PELO: variants seen among roughly 807,000 people sequenced by gnomAD.
The protein encoded by PELO is pelota mRNA surveillance and ribosome rescue factor.
PELO carries 19 observed loss-of-function variants against 25.9 expected under a neutral mutation model. The ratio of observed to expected loss-of-function variants is 0.73; its 90% CI spans 0.51 to 1.08. The LOEUF is 1.08. Ranked by LOEUF, PELO falls within the 50% of genes least tolerant of loss-of-function variation. The pLI is 0.00. For missense variants in PELO, 498 were observed against 491.4 expected, an observed-to-expected ratio of 1.01 and a Z score of -0.13; for synonymous variants, 196 against 192.2, an observed-to-expected ratio of 1.02 and a Z score of -0.16.
intron 1 of PELO, among the ~76,000 whole-genome samples, chr5:52,794,676 C>CA (rs1002732297): frequency 4.7e-5 from 7 of 150,298 alleles, no homozygotes; most frequent in South Asian, 2.1e-4. Context: ...ATAAAACAAA[C>CA]AAAAAAAACC....
chr5:52,789,285 C>G (rs866118659), intron 1 of PELO, among the ~76,000 whole-genome samples: 5 of 152,156 alleles, frequency 3.3e-5, no homozygotes, highest in Middle Eastern at 3.4e-3. Context: ...GATAGAATCT[C>G]TGTGTGAAAG....
Position 52,788,266 on chromosome 5 carries a change from T to A in PELO, c.-659T>A. The A allele has an allele frequency of 9.5e-7, 1 of 1,047,404 alleles. No homozygotes were observed. The highest frequency in any genetic ancestry group is 1.3e-6 in the Non-Finnish European group (1 of 772,790). The allele number at this position is 1,047,404 out of a possible 1,614,324, so 64.9% of individuals were successfully genotyped here. On this transcript the variant is annotated 5_prime_UTR_variant, in exon 1 of 3. Transcript: ENST00000274311. The stretch of plus-strand genomic sequence containing the variant: ...AGGACTGGGAACCGCGGCAGCGGGA[T>A]AAGTGGCCCAGCCAGAGAGCGCAGC...
intron 2 of PELO, 36 bp from the exon 3 acceptor site, chr5:52,801,373 G>C: frequency 6.5e-7 from 1 of 1,546,724 alleles, no homozygotes; most frequent in Non-Finnish European, 8.9e-7. Flanking sequence ...TGTTCTAGGA[G>C]ATTATTTTGC....
intron 1 of PELO, among the ~76,000 whole-genome samples, chr5:52,795,745 G>C (rs1372365053): frequency 6.6e-6 from 1 of 151,874 alleles, no homozygotes. Context: ...CATTTTTAGA[G>C]CTCTATAATT....
In PELO at chr5:52,801,007, A is replaced by C. The variant is rs1353210668; in HGVS notation, c.613A>C (p.Ile205Leu). Reference sequence around the variant, plus strand: ...CATACACTTTGATGTTGTAAAGTGCATCCTGGTGGCCAGCCCAGGATTTGT... The same window carrying C: ...CATACACTTTGATGTTGTAAAGTGCCTCCTGGTGGCCAGCCCAGGATTTGT... ...RHIHFDVVKC[I>L]LVASPGFVRE... The change falls in exon 2 of 3, where the codon ATC becomes CTC. Residue 205 changes from isoleucine to leucine, a missense_variant. By Grantham distance (5) the Ile-to-Leu change is conservative. Coordinates refer to ENST00000274311, the MANE Select transcript of PELO (RefSeq NM_015946.5). 5 of 1,614,232 alleles carry C rather than the reference A, an allele frequency of 3.1e-6. No homozygotes were observed. Among genetic ancestry groups the C allele is most frequent in the Non-Finnish European group, 4.2e-6 (5 of 1,180,038 alleles).
chr5:52,801,483 A>G lies in PELO; in HGVS notation c.801A>G (p.Ser267=). The G allele has an allele frequency of 6.2e-7, 1 of 1,614,148 alleles. No homozygotes were observed. The highest frequency in any genetic ancestry group is 8.5e-7 in the Non-Finnish European group (1 of 1,179,962). The change falls in exon 3 of 3, where the codon TCA becomes TCG. Residue 267 remains serine, a synonymous_variant. Coordinates refer to ENST00000274311, the MANE Select transcript of PELO (RefSeq NM_015946.5). ...ACCCTACTGTGGCTAGCCGCCTTTC[A>G]GACACTAAAGCTGCTGGGGAAGTCA... ...LCDPTVASRL[S]DTKAAGEVKA...
chr5:52,794,966 T>C (rs777465276), intron 1 of PELO, among the ~76,000 whole-genome samples: 1 of 151,984 alleles, frequency 6.6e-6, no homozygotes, highest in Non-Finnish European at 1.5e-5. Flanking sequence ...GTATTTTAAA[T>C]TACCATTTTC....
intron 1 of PELO, among the ~76,000 whole-genome samples, chr5:52,792,498 C>T (rs1192403459): frequency 6.6e-6 from 1 of 152,098 alleles, no homozygotes; most frequent in Non-Finnish European, 1.5e-5. Context: ...TTTCTCTTCC[C>T]TCCTGTCATA....
At position 52,800,326 on chromosome 5, in the gene PELO, C is replaced by G; in HGVS notation, c.-69C>G. On this transcript the variant is annotated 5_prime_UTR_variant, in exon 2 of 3. Coordinates refer to ENST00000274311, the MANE Select transcript of PELO (RefSeq NM_015946.5). ...CCCTTCCTGGCCTGCATTCCCATCC[C>G]CTCTCCCGGGGCGGAGGTGAGGACC... 6.3e-7 allele frequency: 1 copy of G among 1,576,346 alleles called. No homozygotes were observed. Among genetic ancestry groups the G allele is most frequent in the Non-Finnish European group, 8.7e-7 (1 of 1,153,662 alleles).
intron 1 of PELO, among the ~76,000 whole-genome samples, chr5:52,797,785 C>T (rs1233983232): frequency 6.6e-6 from 1 of 152,142 alleles, no homozygotes; most frequent in Non-Finnish European, 1.5e-5. Context: ...TGATTTTCTT[C>T]TATAAAATTA....
At chr5:52,799,844 A>G (rs150812816) in intron 1 of PELO, 41 bp from the exon 2 acceptor site, 77 of 156,764 alleles carry the variant, frequency 4.9e-4, no homozygotes, top group African/African-American at 1.8e-3. Context: ...AGGCAGGTAA[A>G]ACTAGTATTT....
In PELO at chr5:52,801,519, T is replaced by A. The variant is rs1157219126; in HGVS notation, c.837T>A (p.Asp279Glu). 1 of 1,614,112 alleles carries A rather than the reference T, an allele frequency of 6.2e-7. No homozygotes were observed. The highest frequency in any genetic ancestry group is 8.5e-7 in the Non-Finnish European group (1 of 1,180,014). Residue 279 changes from aspartate to glutamate, a missense_variant, in exon 3 of 3, where the codon GAT (aspartate) becomes GAA (glutamate). Coordinates refer to ENST00000274311, the MANE Select transcript of PELO (RefSeq NM_015946.5). ...TKAAGEVKAL[D>E]DFYKMLQHEP... The stretch of plus-strand genomic sequence containing the variant: ...CTGCTGGGGAAGTCAAAGCCTTGGA[T>A]GACTTCTATAAAATGTTACAGCATG...
At position 52,788,334 on chromosome 5, in the gene PELO, G is replaced by A. The variant is rs1042476982; in HGVS notation, c.-591G>A. 6 of 1,496,044 alleles carry A rather than the reference G, an allele frequency of 4.0e-6. No individual in the cohort carries two copies. In the African/African-American group the frequency reaches 5.8e-5, roughly 15 times the overall value. 92.7% of individuals were successfully genotyped at this position (1,496,044 alleles called of 1,614,324 possible). A position where few individuals can be genotyped will look rare whatever the true frequency, so the allele number is the denominator to read the frequency against. On this transcript the variant is annotated 5_prime_UTR_variant, in exon 1 of 3. Transcript: ENST00000274311. ...CCCTGCGAACCAGCGCGGCCCCCTG[G>A]CGCTGAGGCTGCTCCGGCCATGGCC...
In PELO at chr5:52,801,796, G is replaced by A; in HGVS notation, c.1114G>A (p.Glu372Lys). 1 of 1,613,046 alleles carries A rather than the reference G, an allele frequency of 6.2e-7. No individual in the cohort carries two copies. The highest frequency in any genetic ancestry group is 8.5e-7 in the Non-Finnish European group (1 of 1,179,422). Reference protein sequence around the residue: ...VAAILRFPVPELSDQEGDSSS... With the variant: ...VAAILRFPVPKLSDQEGDSSS... ...TGCCATTCTCCGCTTCCCTGTTCCC[G>A]AACTTTCTGACCAAGAGGGTGATTC... Residue 372 changes from glutamate (E) to lysine (K), a missense_variant, in exon 3 of 3, where the codon GAA (glutamate) becomes AAA (lysine). By Grantham distance (56) the Glu-to-Lys change is moderately conservative. Transcript: ENST00000274311.
intron 1 of PELO, among the ~76,000 whole-genome samples, chr5:52,789,171 T>A (rs1433762294): frequency 6.6e-6 from 1 of 152,162 alleles, no homozygotes; most frequent in Non-Finnish European, 1.5e-5. Flanking sequence ...TGTAAGATTT[T>A]CCCAATAATG....
intron 1 of PELO, among the ~76,000 whole-genome samples, chr5:52,798,595 TAC>T (rs1748391668): frequency 6.6e-6 from 1 of 152,100 alleles, no homozygotes; most frequent in Non-Finnish European, 1.5e-5. Context: ...TACTGAGAAA[TAC>T]AGTTTTCATG....
At position 52,801,729 on chromosome 5, in the gene PELO, T is replaced by C. The variant is rs1177715073; in HGVS notation, c.1047T>C (p.Leu349=). Reference sequence around the variant, plus strand: ...GCACCGTTAGGATATTCTCTAGTCTTCACGTTTCTGGGGAACAGCTCAGCC... The same window carrying C: ...GCACCGTTAGGATATTCTCTAGTCTCCACGTTTCTGGGGAACAGCTCAGCC... The part of the protein sequence containing the change: ...NAGTVRIFSS[L]HVSGEQLSQL... Residue 349 remains leucine (L), a synonymous_variant, in exon 3 of 3, where the codon CTT becomes CTC. Coordinates refer to ENST00000274311, the MANE Select transcript of PELO (RefSeq NM_015946.5). The C allele has an allele frequency of 1.9e-6, 3 of 1,614,026 alleles. No individual in the cohort carries two copies. The highest frequency in any genetic ancestry group is 2.5e-6 in the Non-Finnish European group (3 of 1,180,002).
rs982520581 is a variant in PELO at position 52,800,319 on chromosome 5, C to T, written c.-76C>T. Reference sequence around the variant, plus strand: ...CCCCGCCCCCTTCCTGGCCTGCATTCCCATCCCCTCTCCCGGGGCGGAGGT... The same window carrying T: ...CCCCGCCCCCTTCCTGGCCTGCATTTCCATCCCCTCTCCCGGGGCGGAGGT... On this transcript the variant is annotated 5_prime_UTR_variant, in exon 2 of 3. Transcript: ENST00000274311. The T allele has an allele frequency of 1.5e-5, 23 of 1,549,026 alleles. No homozygotes were observed. The highest frequency in any genetic ancestry group is 2.7e-5 in the African/African-American group (2 of 73,654).
intron 1 of PELO, among the ~76,000 whole-genome samples, chr5:52,799,509 G>C (rs1748410517): frequency 6.6e-6 from 1 of 152,192 alleles, no homozygotes; most frequent in African/African-American, 2.4e-5. Context: ...GTCCACCCAG[G>C]GGTAAATTCC....
Sources: allele counts gnomAD v4.1 joint callset (sites outside exome capture counted in the v4.1 genomes callset), GRCh38; gene constraint gnomAD v4.1.1; transcripts MANE v1.5; gene names NCBI Gene and HGNC (gene_info 2026-07-23, HGNC 2026-07-21).